Variants in SMARCB1 observed in about 807,000 individuals in gnomAD.
The protein encoded by SMARCB1 is SWI/SNF-related matrix-associated actin-dependent regulator of chromatin subfamily B member 1.
Under a neutral mutation model 49.0 loss-of-function variants are expected in SMARCB1, and 5 were observed. The observed-to-expected ratio is 0.10, with a 90% CI of 0.05 to 0.21. The LOEUF (loss-of-function observed/expected upper bound fraction) is 0.21, where lower values mean the gene tolerates loss of function less well. Ranked by LOEUF, SMARCB1 falls within the 10% of genes least tolerant of loss-of-function variation. The probability of loss-of-function intolerance (pLI) is 1.00; values close to 1 mark genes in which losing one functional copy is unlikely to be tolerated. For missense variants in SMARCB1, 226 were observed against 509.2 expected (o/e 0.44, Z 5.35); for synonymous variants, 201 against 200.1 (o/e 1.00, Z -0.04).
Position 23,835,334 on chromosome 22 carries a change from G to A in SMARCB1, c.*1154G>A. On this transcript the variant is annotated 3_prime_UTR_variant, in exon 9 of 9. Transcript: ENST00000644036. ...CTGAAGAGAATGGGCACAGATCCGGGCACAGATCCCAGCACAGACTGCTGC... is the reference window on the plus strand; with the variant it reads ...CTGAAGAGAATGGGCACAGATCCGGACACAGATCCCAGCACAGACTGCTGC... 1.0e-6 allele frequency: 1 copy of A among 1,003,998 alleles called. No individual in the cohort carries two copies. Among genetic ancestry groups the A allele is most frequent in the Non-Finnish European group, 1.2e-6 (1 of 842,744 alleles). 62.2% of individuals were successfully genotyped at this position (1,003,998 alleles called of 1,614,324 possible).
chr22:23,834,873 C>T lies in SMARCB1; in HGVS notation c.*693C>T, dbSNP rs373086060. 3.7e-6 allele frequency: 6 copies of T among 1,612,488 alleles called. No individual in the cohort carries two copies. The highest frequency in any genetic ancestry group is 5.1e-6 in the Non-Finnish European group (6 of 1,179,804). On this transcript the variant is annotated 3_prime_UTR_variant, in exon 9 of 9. Transcript: ENST00000644036. ...TCCTGCCGTCCCTGGGCCGCCCTGG[C>T]TCTGCTGTGTCCAGATGGTCAGGCT...
chr22:23,825,542 C>G (rs753696710), intron 7 of SMARCB1, 127 bp downstream of exon 7: 35 of 840,962 alleles, frequency 4.2e-5, no homozygotes, highest in Non-Finnish European at 6.6e-5. Flanking sequence ...TGGCTGGGGT[C>G]TGTGTGTTTG....
At chr22:23,803,649 G>A in intron 5 of SMARCB1, 1 of 627,348 alleles carries the variant, frequency 1.6e-6, no homozygotes, top group Admixed American at 2.4e-5. Context: ...CTGAGGTTGG[G>A]TGGCCCAAGA....
chr22:23,804,982 C>T (rs1479387603), intron 5 of SMARCB1, among the ~76,000 whole-genome samples: 9 of 152,180 alleles, frequency 5.9e-5, no homozygotes, highest in African/African-American at 2.2e-4. Context: ...AAGGGATTTC[C>T]TAAGGGAGGA....
intron 5 of SMARCB1, among the ~76,000 whole-genome samples, chr22:23,812,887 C>T (rs7286004): frequency 1.5e-5 from 2 of 136,510 alleles, no homozygotes; most frequent in Non-Finnish European, 3.1e-5. Flanking sequence ...TTTTTTTAGA[C>T]GGAGTATTGC....
Position 23,836,163 on chromosome 22 carries a change from A to T in SMARCB1, c.*1983A>T, listed in dbSNP as rs2031031533. On this transcript the variant is annotated 3_prime_UTR_variant, in exon 9 of 9. Coordinates refer to ENST00000644036, the MANE Select transcript of SMARCB1 (RefSeq NM_003073.5). ...CCTTCCAGAAGTCCCTGCCTCACCC[A>T]GTCTCAGAACTCTGCTAAGGTGAAA... 1.0e-6 allele frequency: 1 copy of T among 985,350 alleles called. No individual in the cohort carries two copies. The highest frequency in any genetic ancestry group is 4.7e-5 in the South Asian group (1 of 21,288). The allele number at this position is 985,350 out of a possible 1,614,324, so 61.0% of individuals were successfully genotyped here.
At chr22:23,813,386 G>T (rs1280792159) in intron 5 of SMARCB1, among the ~76,000 whole-genome samples, 1 of 152,310 alleles carries the variant, frequency 6.6e-6, no homozygotes, top group Non-Finnish European at 1.5e-5. Flanking sequence ...AATCCCAAGG[G>T]ATCTACAGAA....
chr22:23,813,596 A>C (rs1000705229), intron 5 of SMARCB1, among the ~76,000 whole-genome samples: 2 of 152,254 alleles, frequency 1.3e-5, no homozygotes, highest in Non-Finnish European at 2.9e-5. Flanking sequence ...CAGGACTTAT[A>C]TACCAAAAAC....
At chr22:23,823,190 G>C (rs1023135768) in intron 6 of SMARCB1, 3 of 152,028 alleles carry the variant, frequency 2.0e-5, no homozygotes, top group African/African-American at 7.3e-5. Context: ...TGGAATAAAT[G>C]AATGTGTTAG....
chr22:23,819,725 T>A (rs9612459), intron 6 of SMARCB1, among the ~76,000 whole-genome samples: 18,654 of 144,382 alleles, frequency 0.13, 1,241 homozygotes, highest in South Asian at 0.29. Flanking sequence ...TTTTTGAGGA[T>A]CCACTATACT....
rs563577944 is a variant in SMARCB1 at position 23,808,030 on chromosome 22, A to T, written c.628+4608A>T. On this transcript the variant is annotated intron_variant, in intron 5 of 8. Transcript: ENST00000644036. ...GAGTACAGTGGTGCGATCTCAGTTC[A>T]CTGCAAGCTCCGCCTCCCGGGTTCA... 2.3e-3 allele frequency among the ~76,000 whole-genome samples: 327 copies of T among 144,548 alleles called. 1 individual carries two copies. Among genetic ancestry groups the T allele is most frequent in the African/African-American group, 8.2e-3 (316 of 38,608 alleles). The allele number at this position is 144,548 out of a possible 152,430, so 94.8% of individuals were successfully genotyped here. A position where few individuals can be genotyped will look rare whatever the true frequency, so the allele number is the denominator to read the frequency against.
At chr22:23,799,903 C>G (rs1273702917) in intron 3 of SMARCB1, among the ~76,000 whole-genome samples, 3 of 152,132 alleles carry the variant, frequency 2.0e-5, no homozygotes, top group South Asian at 2.1e-4. Context: ...CCAGGCTGGT[C>G]TTGATCTCCT....
At chr22:23,815,385 T>A (rs1169625988) in intron 5 of SMARCB1, 2 of 152,022 alleles carry the variant, frequency 1.3e-5, no homozygotes, top group Non-Finnish European at 1.5e-5. Flanking sequence ...ATACAAAAAA[T>A]TAGCTGGGCG....
In SMARCB1 at chr22:23,835,214, C is replaced by T; in HGVS notation, c.*1034C>T. ...CCCTGCCTCCAAGGAGTTCATGTCC[C>T]CTCTGTTCTCATCTGTAATAGGGAG... On this transcript the variant is annotated 3_prime_UTR_variant, in exon 9 of 9. Coordinates refer to ENST00000644036, the MANE Select transcript of SMARCB1 (RefSeq NM_003073.5). 2 of 1,249,996 alleles carry T rather than the reference C, an allele frequency of 1.6e-6. No individual in the cohort carries two copies. The highest frequency in any genetic ancestry group is 2.0e-6 in the Non-Finnish European group (2 of 997,084). The allele number at this position is 1,249,996 out of a possible 1,614,324, so 77.4% of individuals were successfully genotyped here.
chr22:23,803,020 C>G, intron 4 of SMARCB1: 1 of 535,904 alleles, frequency 1.9e-6, no homozygotes, highest in Non-Finnish European at 3.4e-6. Flanking sequence ...GCTTAAATAT[C>G]CCTTCACAGG....
rs1452001659 is a variant in SMARCB1 at position 23,837,808 on chromosome 22, A to G, written c.*3628A>G. 1.2e-6 allele frequency: 2 copies of G among 1,613,816 alleles called. No individual in the cohort carries two copies. Among genetic ancestry groups the G allele is most frequent in the South Asian group, 2.2e-5 (2 of 91,080 alleles). ...GCTCCACACGTACACCAGCATGGCC[A>G]TGAGGGCCTGGCCCAGGAAGAACAG... is the stretch of plus-strand genomic sequence containing the variant. On this transcript the variant is annotated 3_prime_UTR_variant, in exon 9 of 9. Coordinates refer to ENST00000644036, the MANE Select transcript of SMARCB1 (RefSeq NM_003073.5).
chr22:23,801,351 C>T (rs185393796), intron 4 of SMARCB1: 1 of 690,882 alleles, frequency 1.4e-6, no homozygotes, highest in African/African-American at 1.8e-5. Flanking sequence ...GTCCTTGGGC[C>T]CTTTCTCTGC....
In SMARCB1 at chr22:23,835,384, A is replaced by G; in HGVS notation, c.*1204A>G. 1 of 988,992 alleles carries G rather than the reference A, an allele frequency of 1.0e-6. No individual in the cohort carries two copies. The highest frequency in any genetic ancestry group is 1.2e-6 in the Non-Finnish European group (1 of 832,510). 61.3% of individuals were successfully genotyped at this position (988,992 alleles called of 1,614,324 possible). On this transcript the variant is annotated 3_prime_UTR_variant, in exon 9 of 9. Coordinates refer to ENST00000644036, the MANE Select transcript of SMARCB1 (RefSeq NM_003073.5). Reference sequence around the variant, plus strand: ...CCACCCTCAGCTGTTGGCAGGTCCCATGCTGCCAGGGCAGGGCTAGGGTCA... The same window carrying G: ...CCACCCTCAGCTGTTGGCAGGTCCCGTGCTGCCAGGGCAGGGCTAGGGTCA...
intron 3 of SMARCB1, among the ~76,000 whole-genome samples, chr22:23,795,545 C>T (rs1338294466): frequency 6.6e-6 from 1 of 151,858 alleles, no homozygotes; most frequent in African/African-American, 2.4e-5. Context: ...ATCCCAGCTA[C>T]TCAGGAAGGC....
Sources: allele counts gnomAD v4.1 joint callset (sites outside exome capture counted in the v4.1 genomes callset), GRCh38; gene constraint gnomAD v4.1.1; transcripts MANE v1.5; gene names NCBI Gene and HGNC (gene_info 2026-07-23, HGNC 2026-07-21).